The following FMN2 variants were observed in gnomAD, a reference collection of about 807,000 sequenced individuals.
FMN2 encodes the protein formin 2.
FMN2 carries 51 observed loss-of-function variants against 142.3 expected under a neutral mutation model. That is an observed-to-expected ratio of 0.36 (90% CI 0.29 to 0.45). FMN2 has a LOEUF of 0.45. Among genes scored for constraint, FMN2 ranks in the 20% least tolerant of loss-of-function variants. FMN2 has a pLI of 1.00. For synonymous variants in FMN2, 882 were observed against 869.8 expected, an observed-to-expected ratio of 1.01 and a Z score of -0.25; for missense variants, 1,936 against 2,122.8, an observed-to-expected ratio of 0.91 and a Z score of 1.73.
chr1:240,331,535 A>G (rs73124146), intron 11 of FMN2, among the ~76,000 whole-genome samples: 1,691 of 152,300 alleles, frequency 0.011, 34 homozygotes, highest in African/African-American at 0.037. Context: ...TAAGTTTAAT[A>G]ATTGGCTTGT....
Position 240,159,974 on chromosome 1 carries a change from T to TATATATACACACACACAC in FMN2, c.1783-17946_1783-17945insTATATACACACACACACA, listed in dbSNP as rs1202421069. Among the ~76,000 whole-genome samples the TATATATACACACACACAC allele has an allele frequency of 8.4e-4, 113 of 134,074 alleles. 2 individuals are homozygous for TATATATACACACACACAC. The highest frequency in any genetic ancestry group is 2.1e-3 in the Admixed American group (27 of 12,942). 88.0% of individuals were successfully genotyped at this position (134,074 alleles called of 152,430 possible). On this transcript the variant is annotated intron_variant, in intron 2 of 17. Coordinates refer to ENST00000319653, the MANE Select transcript of FMN2 (RefSeq NM_020066.5). ...ATCTATATCTGTGTATATATATATA[T>TATATATACACACACACAC]ACACACACACACACACACACACACA...
chr1:240,371,034 G>A (rs770498016), intron 14 of FMN2, among the ~76,000 whole-genome samples: 1 of 152,242 alleles, frequency 6.6e-6, no homozygotes, highest in South Asian at 2.1e-4. Context: ...CGCCTCCTGG[G>A]TTCAGGCAAT....
intron 8 of FMN2, among the ~76,000 whole-genome samples, chr1:240,318,906 C>T (rs933304663): frequency 1.3e-5 from 2 of 151,902 alleles, no homozygotes; most frequent in Admixed American, 6.6e-5. Context: ...GGGTGGGTGA[C>T]GAGTTTTCCA....
At chr1:240,184,977 C>T (rs1371896438) in intron 3 of FMN2, among the ~76,000 whole-genome samples, 12 of 100,778 alleles carry the variant, frequency 1.2e-4, no homozygotes, top group African/African-American at 3.6e-4. Flanking sequence ...CCTATACCTT[C>T]CCCTTCTCTT....
chr1:240,135,748 C>T (rs866795141), intron 2 of FMN2, among the ~76,000 whole-genome samples: 4 of 149,822 alleles, frequency 2.7e-5, no homozygotes, highest in South Asian at 2.1e-4. Flanking sequence ...GGTGCGATCT[C>T]GGCTCACTGC....
chr1:240,431,578 T>C (rs1429083549), intron 15 of FMN2, among the ~76,000 whole-genome samples: 1 of 151,446 alleles, frequency 6.6e-6, no homozygotes, highest in Non-Finnish European at 1.5e-5. Flanking sequence ...TCAAATACCA[T>C]TGCGTATGTT....
intron 2 of FMN2, chr1:240,171,043 G>A: frequency 1.5e-5 from 16 of 1,068,654 alleles, no homozygotes; most frequent in South Asian, 7.6e-5. Flanking sequence ...CAGTGTGGTG[G>A]TTGGAGTAGC....
chr1:240,424,238 T>C (rs1423085927), intron 15 of FMN2, among the ~76,000 whole-genome samples: 2 of 152,212 alleles, frequency 1.3e-5, no homozygotes, highest in Non-Finnish European at 2.9e-5. Context: ...TGATTGTCCA[T>C]CTTTTATGTG....
At chr1:240,443,848 CAG>C (rs1675711862) in intron 16 of FMN2, among the ~76,000 whole-genome samples, 1 of 152,094 alleles carries the variant, frequency 6.6e-6, no homozygotes, top group Non-Finnish European at 1.5e-5. Flanking sequence ...TAAGGTCTCA[CAG>C]AGCACAGTTG....
chr1:240,374,747 C>A (rs1672988636), intron 14 of FMN2, among the ~76,000 whole-genome samples: 1 of 152,116 alleles, frequency 6.6e-6, no homozygotes, highest in African/African-American at 2.4e-5. Context: ...TTTTTGCTTT[C>A]TTGTCCTTCA....
At chr1:240,315,700 A>G (rs1200335818) in intron 8 of FMN2, among the ~76,000 whole-genome samples, 2 of 152,190 alleles carry the variant, frequency 1.3e-5, no homozygotes, top group African/African-American at 2.4e-5. Context: ...TTGGCATTTT[A>G]AAATATGAAA....
chr1:240,215,208 A>G (rs1023616799), intron 6 of FMN2, among the ~76,000 whole-genome samples: 2 of 152,234 alleles, frequency 1.3e-5, no homozygotes, highest in African/African-American at 4.8e-5. Flanking sequence ...TGGTAAGTGC[A>G]GTAGTAGTAG....
chr1:240,174,963 G>A (rs970682957), intron 2 of FMN2, among the ~76,000 whole-genome samples: 3 of 152,062 alleles, frequency 2.0e-5, no homozygotes, highest in East Asian at 1.9e-4. Context: ...GTCTGTACCC[G>A]TTACATTGCA....
chr1:240,297,998 C>T (rs965304069), intron 8 of FMN2, among the ~76,000 whole-genome samples: 4 of 152,136 alleles, frequency 2.6e-5, no homozygotes, highest in African/African-American at 7.2e-5. Context: ...GGGCTCTGCT[C>T]TCATGGCCTA....
At chr1:240,218,584 C>A (rs1466100944) in intron 6 of FMN2, among the ~76,000 whole-genome samples, 1 of 151,698 alleles carries the variant, frequency 6.6e-6, no homozygotes, top group African/African-American at 2.4e-5. Flanking sequence ...AATTTTATTT[C>A]TATCTGGAGC....
intron 15 of FMN2, among the ~76,000 whole-genome samples, chr1:240,413,574 C>T (rs1193358943): frequency 2.0e-5 from 3 of 152,070 alleles, no homozygotes; most frequent in Non-Finnish European, 4.4e-5. Context: ...GGCTTGTTTC[C>T]TTTGGGTGAG....
At chr1:240,304,809 G>A (rs1322939043) in intron 8 of FMN2, among the ~76,000 whole-genome samples, 2 of 152,180 alleles carry the variant, frequency 1.3e-5, no homozygotes, top group South Asian at 2.1e-4. Flanking sequence ...CCAGAAGCGC[G>A]TGCACAGCTG....
chr1:240,455,223 TA>T lies in FMN2; in HGVS notation c.5060+17014del, dbSNP rs1676199005. On this transcript the variant is annotated intron_variant, in intron 16 of 17. Coordinates refer to ENST00000319653, the MANE Select transcript of FMN2 (RefSeq NM_020066.5). ...GACTTCCATATAAGATATACTTTAC[TA>T]TTCATTAATAATTATTAAAAGCGAG... Among the ~76,000 whole-genome samples, 12 of 152,180 alleles carry T rather than the reference TA, an allele frequency of 7.9e-5. No homozygotes were observed. The South Asian group carries it at 2.5e-3, about 32-fold the overall frequency.
At position 240,345,402 on chromosome 1, in the gene FMN2, C is replaced by T. The variant is rs1033578795; in HGVS notation, c.4766-10414C>T. 3.9e-5 allele frequency among the ~76,000 whole-genome samples: 6 copies of T among 152,274 alleles called. 1 individual carries two copies. In the Middle Eastern group the frequency reaches 0.01, roughly 259 times the overall value. ...TGGCAAAGATGTAGATTGGTGAGAA[C>T]GCTTTTACACTGATGATAGAAATGA... On this transcript the variant is annotated intron_variant, in intron 13 of 17. Coordinates refer to ENST00000319653, the MANE Select transcript of FMN2 (RefSeq NM_020066.5).
Sources: gnomAD v4.1 joint callset for allele counts (sites outside exome capture counted in the v4.1 genomes callset) on GRCh38, gnomAD v4.1.1 for gene constraint, MANE v1.5 for transcripts, NCBI Gene and HGNC (gene_info 2026-07-23, HGNC 2026-07-21) for gene names.